Variants in PHACTR2 observed in about 807,000 individuals in gnomAD.
PHACTR2 encodes phosphatase and actin regulator 2.
Under a neutral mutation model 76.0 loss-of-function variants are expected in PHACTR2, and 30 were observed. The ratio of observed to expected loss-of-function variants is 0.39; its 90% CI spans 0.30 to 0.54. The LOEUF (loss-of-function observed/expected upper bound fraction) is 0.54. Among genes scored for constraint, PHACTR2 ranks in the 20% least tolerant of loss-of-function variants. The probability of loss-of-function intolerance (pLI) is 0.61; values close to 1 mark genes in which losing one functional copy is unlikely to be tolerated. For synonymous variants in PHACTR2, 292 were observed against 292.5 expected (o/e 1.00, Z 0.02); for missense variants, 696 against 781.1 (o/e 0.89, Z 1.30).
rs537129237 is a variant in PHACTR2 at position 143,761,613 on chromosome 6, G to C, written c.694+973G>C. Among the ~76,000 whole-genome samples the C allele has an allele frequency of 5.3e-5, 8 of 152,084 alleles. No homozygotes were observed. Among genetic ancestry groups the C allele is most frequent in the Admixed American group, 1.3e-4 (2 of 15,254 alleles). The stretch of plus-strand genomic sequence containing the variant: ...TGCTAAAAATACAAGAATTAGCCAG[G>C]CGTCGTGGCGTGCACCTCTAATCCC... On this transcript the variant is annotated intron_variant, in intron 5 of 12. Transcript: ENST00000440869. This position sits in a 1 kb window ranked among gnomAD's most constrained non-coding sequence, Gnocchi z 5.2.
rs770935076 is a variant in PHACTR2 at position 143,823,734 on chromosome 6, G to A, written c.*45G>A. 90 of 1,535,218 alleles carry A rather than the reference G, an allele frequency of 5.9e-5. 1 individual carries two copies. The South Asian group carries it at 8.7e-4, about 15-fold the overall frequency. ...GAAACAGAGACTGATCATCTTTGGG[G>A]GAAGCCCTGCTTCCTGAAAACCTGA... On this transcript the variant is annotated 3_prime_UTR_variant, in exon 13 of 13. Coordinates refer to ENST00000440869, the MANE Select transcript of PHACTR2 (RefSeq NM_001100164.2). The surrounding 1 kb of genome is among the most constrained non-coding windows in gnomAD (Gnocchi z 5.7).
rs1187596641 is a variant in PHACTR2, at chr6:143,750,815, CA to C, written c.295+1754del. ...CTAAAAGTTTTAAAACATAAAAGAACAAAACAATTTTTTAACCTAAGCATAA... is the reference window on the plus strand; with the variant it reads ...CTAAAAGTTTTAAAACATAAAAGAACAAACAATTTTTTAACCTAAGCATAA... On this transcript the variant is annotated intron_variant, in intron 3 of 12. Transcript: ENST00000440869. This position sits in a 1 kb window ranked among gnomAD's most constrained non-coding sequence, Gnocchi z 4.6. Among the ~76,000 whole-genome samples, 2 of 151,966 alleles carry C rather than the reference CA, an allele frequency of 1.3e-5. No homozygotes were observed. Among genetic ancestry groups the C allele is most frequent in the Non-Finnish European group, 2.9e-5 (2 of 67,964 alleles).
In PHACTR2 at chr6:143,743,672, T is replaced by C. The variant is rs1218139608; in HGVS notation, c.215-5313T>C. On this transcript the variant is annotated intron_variant, in intron 2 of 12. Coordinates refer to ENST00000440869, the MANE Select transcript of PHACTR2 (RefSeq NM_001100164.2). This position sits in a 1 kb window ranked among gnomAD's most constrained non-coding sequence, Gnocchi z 5.0. The stretch of plus-strand genomic sequence containing the variant: ...GAAGAGGGGCAAAGCCGAGCCAGGC[T>C]CTTGTAGAACACTTTCAACACAAGA... Among the ~76,000 whole-genome samples, 1 of 152,226 alleles carries C rather than the reference T, an allele frequency of 6.6e-6. No individual in the cohort carries two copies. Among genetic ancestry groups the C allele is most frequent in the Non-Finnish European group, 1.5e-5 (1 of 68,040 alleles).
Position 143,798,440 on chromosome 6 carries a change from A to G in PHACTR2, c.1846-8617A>G, listed in dbSNP as rs374331442. Among the ~76,000 whole-genome samples, 53 of 152,298 alleles carry G rather than the reference A, an allele frequency of 3.5e-4. 1 individual carries two copies. The East Asian group carries it at 9.1e-3, about 26-fold the overall frequency. On this transcript the variant is annotated intron_variant, in intron 11 of 12. Coordinates refer to ENST00000440869, the MANE Select transcript of PHACTR2 (RefSeq NM_001100164.2). ...GCCAGAACTTCCAACATTATGTTGA[A>G]TAGGAGTGGTGAGAGAGGTCATCCT... is the stretch of plus-strand genomic sequence containing the variant.
In PHACTR2 at chr6:143,731,236, G is replaced by T. The variant is rs1414681070; in HGVS notation, c.215-17749G>T. On this transcript the variant is annotated intron_variant, in intron 2 of 12. Transcript: ENST00000440869. The surrounding 1 kb of genome is among the most constrained non-coding windows in gnomAD (Gnocchi z 4.9). ...TGGTTGATTACATTGGCAGATTTTTGAATTTTGAACCAGTTTTTGCATCCT... is the reference window on the plus strand; with the variant it reads ...TGGTTGATTACATTGGCAGATTTTTTAATTTTGAACCAGTTTTTGCATCCT... Among the ~76,000 whole-genome samples, 1 of 152,022 alleles carries T rather than the reference G, an allele frequency of 6.6e-6. No homozygotes were observed. Among genetic ancestry groups the T allele is most frequent in the East Asian group, 1.9e-4 (1 of 5,180 alleles).
In PHACTR2 at chr6:143,783,262, A is replaced by G; in HGVS notation, c.1689A>G (p.Lys563=). The change falls in exon 10 of 13, where the codon AAA becomes AAG. Residue 563 remains lysine (K), a synonymous_variant. Transcript: ENST00000440869. This position sits in a 1 kb window ranked among gnomAD's most constrained non-coding sequence, Gnocchi z 5.2. ...EEEQEAKMEL[K]RRLSRKLSLR... is the part of the protein sequence containing the mutation. ...AACAAGAAGCAAAAATGGAACTTAA[A>G]CGCAGACTCAGCAGAAAGGTAATGA... The G allele has an allele frequency of 3.2e-6, 5 of 1,561,818 alleles. No homozygotes were observed. Among genetic ancestry groups the G allele is most frequent in the South Asian group, 1.1e-5 (1 of 89,952 alleles).
rs1305345377 is a variant in PHACTR2 at position 143,647,380 on chromosome 6, C to T, written c.13+39058C>T. 6.6e-6 allele frequency among the ~76,000 whole-genome samples: 1 copy of T among 152,176 alleles called. No homozygotes were observed. Among genetic ancestry groups the T allele is most frequent in the Non-Finnish European group, 1.5e-5 (1 of 68,036 alleles). On this transcript the variant is annotated intron_variant, in intron 1 of 11. Transcript: ENST00000305766. The surrounding 1 kb of genome is among the most constrained non-coding windows in gnomAD (Gnocchi z 4.2). ...TCCTGTTAACCAGTGACCTTTTCTC[C>T]TCTCAAAATTCTGCAGTAAATGGAA... is the stretch of plus-strand genomic sequence containing the variant.
intron 2 of PHACTR2, among the ~76,000 whole-genome samples, chr6:143,715,712 C>T (rs1475457525): frequency 6.6e-6 from 1 of 152,142 alleles, no homozygotes; most frequent in African/African-American, 2.4e-5. Flanking sequence ...TCTATAAATG[C>T]ATTCCAACCA....
rs1300177658 is a variant in PHACTR2 at position 143,621,980 on chromosome 6, T to C, written c.13+13658T>C. Among the ~76,000 whole-genome samples the C allele has an allele frequency of 6.6e-6, 1 of 152,180 alleles. No homozygotes were observed. The highest frequency in any genetic ancestry group is 1.5e-5 in the Non-Finnish European group (1 of 68,038). ...TGCTGTTTTCTTCTTTTTGTGTGTG[T>C]GGTCTGGGAAACCAAATAATCAAGA... On this transcript the variant is annotated intron_variant, in intron 1 of 11. Coordinates refer to the PHACTR2 transcript ENST00000305766. This position sits in a 1 kb window ranked among gnomAD's most constrained non-coding sequence, Gnocchi z 4.1.
intron 1 of PHACTR2, among the ~76,000 whole-genome samples, chr6:143,660,659 A>G (rs1260546856): frequency 6.6e-6 from 1 of 152,216 alleles, no homozygotes; most frequent in African/African-American, 2.4e-5. Flanking sequence ...TTCAGTAGTA[A>G]ATGAAACATG....
intron 1 of PHACTR2, among the ~76,000 whole-genome samples, chr6:143,542,709 G>T (rs1268218453): frequency 6.6e-6 from 1 of 152,160 alleles, no homozygotes; most frequent in Non-Finnish European, 1.5e-5. Context: ...CTCTTGCCTT[G>T]TGTTTACCTG....
intron 2 of PHACTR2, among the ~76,000 whole-genome samples, chr6:143,745,344 G>A (rs762908659): frequency 3.3e-5 from 5 of 152,184 alleles, no homozygotes. Context: ...GAAGTTACAG[G>A]GAGTGCGATT....
At chr6:143,817,510 G>T (rs975150522) in intron 12 of PHACTR2, among the ~76,000 whole-genome samples, 10 of 152,142 alleles carry the variant, frequency 6.6e-5, no homozygotes, top group Non-Finnish European at 1.2e-4. Context: ...GGTATCACTG[G>T]ATGGGCTCTT....
At position 143,700,122 on chromosome 6, in the gene PHACTR2, T is replaced by C. The variant is rs1777872063; in HGVS notation, c.47-11894T>C. On this transcript the variant is annotated intron_variant, in intron 1 of 12. Transcript: ENST00000440869. The surrounding 1 kb of genome is among the most constrained non-coding windows in gnomAD (Gnocchi z 4.1). Reference sequence around the variant, plus strand: ...ATTATATATATTCTCTGGGCTTTTATTTATCCACCAGCCTTTCGACTTAAA... The same window carrying C: ...ATTATATATATTCTCTGGGCTTTTACTTATCCACCAGCCTTTCGACTTAAA... Among the ~76,000 whole-genome samples, 1 of 152,220 alleles carries C rather than the reference T, an allele frequency of 6.6e-6. No homozygotes were observed. Among genetic ancestry groups the C allele is most frequent in the Non-Finnish European group, 1.5e-5 (1 of 68,044 alleles).
At chr6:143,657,758 G>A (rs1776874741) in intron 1 of PHACTR2, among the ~76,000 whole-genome samples, 1 of 152,194 alleles carries the variant, frequency 6.6e-6, no homozygotes, top group South Asian at 2.1e-4. Flanking sequence ...GTTATCTCAA[G>A]GTGGGGTGTG....
intron 6 of PHACTR2, among the ~76,000 whole-genome samples, chr6:143,766,038 A>T (rs548567062): frequency 3.5e-4 from 53 of 152,234 alleles, no homozygotes; most frequent in Non-Finnish European, 7.1e-4. Flanking sequence ...GTTTTCAAGT[A>T]CACTTAGAAC....
rs898905944 is a variant in PHACTR2, at chr6:143,742,717, C to A, written c.215-6268C>A. Among the ~76,000 whole-genome samples, 6 of 152,182 alleles carry A rather than the reference C, an allele frequency of 3.9e-5. No homozygotes were observed. Among genetic ancestry groups the A allele is most frequent in the Admixed American group, 1.3e-4 (2 of 15,284 alleles). On this transcript the variant is annotated intron_variant, in intron 2 of 12. Coordinates refer to ENST00000440869, the MANE Select transcript of PHACTR2 (RefSeq NM_001100164.2). The surrounding 1 kb of genome is among the most constrained non-coding windows in gnomAD (Gnocchi z 4.5). ...AAGTAGAAGAGGATGCTAGACATGC[C>A]TTTCCTCCTTCCCCCCAAAAAGACA...
At chr6:143,766,360 A>G (rs1012382666) in intron 6 of PHACTR2, among the ~76,000 whole-genome samples, 2 of 152,266 alleles carry the variant, frequency 1.3e-5, no homozygotes, top group African/African-American at 4.8e-5. Flanking sequence ...CCTGTGGGAC[A>G]GAATTAGCCA....
At chr6:143,805,087 A>G (rs1489016425) in intron 11 of PHACTR2, among the ~76,000 whole-genome samples, 2 of 152,164 alleles carry the variant, frequency 1.3e-5, no homozygotes, top group East Asian at 3.8e-4. Flanking sequence ...TCTGACTCCC[A>G]GTGGACCGCT....
Sources: gnomAD v4.1 joint callset for allele counts (sites outside exome capture counted in the v4.1 genomes callset) on GRCh38, gnomAD v4.1.1 for gene constraint, Gnocchi (gnomAD v3.1) non-coding constraint, MANE v1.5 for transcripts, NCBI Gene and HGNC (gene_info 2026-07-23, HGNC 2026-07-21) for gene names.